The following PCLO variants were observed in gnomAD, a reference collection of about 807,000 sequenced individuals.
PCLO encodes the protein protein piccolo.
Under a neutral mutation model 427.5 loss-of-function variants are expected in PCLO, and 82 were observed. The ratio of observed to expected loss-of-function variants is 0.19; its 90% CI spans 0.16 to 0.23. The LOEUF is 0.23. Among genes scored for constraint, PCLO ranks in the 10% least tolerant of loss-of-function variants. The pLI, the probability that PCLO is intolerant of heterozygous loss-of-function variation, is 1.00. For missense variants in PCLO, 6,239 were observed against 6,115.9 expected (o/e 1.02, Z -0.67); for synonymous variants, 2,357 against 2,155.4 (o/e 1.09, Z -2.59).
chr7:82,939,327 C>T (rs578090116), intron 6 of PCLO, among the ~76,000 whole-genome samples: 1 of 152,028 alleles, frequency 6.6e-6, no homozygotes, highest in African/African-American at 2.4e-5. Flanking sequence ...TATCAAAAGC[C>T]ATGGTAAATG....
intron 10 of PCLO, among the ~76,000 whole-genome samples, chr7:82,873,294 A>G (rs750483867): frequency 1.3e-5 from 2 of 149,760 alleles, no homozygotes; most frequent in Non-Finnish European, 2.9e-5. Flanking sequence ...GAGACACTCC[A>G]TCCCCCATCC....
intron 3 of PCLO, among the ~76,000 whole-genome samples, chr7:83,025,327 T>C (rs1009310453): frequency 1.3e-5 from 2 of 151,198 alleles, no homozygotes; most frequent in Non-Finnish European, 3.0e-5. Context: ...CAGGAGCCGA[T>C]GCGATCAACT....
intron 9 of PCLO, among the ~76,000 whole-genome samples, chr7:82,895,572 T>C (rs1234054319): frequency 6.6e-6 from 1 of 151,826 alleles, no homozygotes; most frequent in Non-Finnish European, 1.5e-5. Context: ...TGACAAATCT[T>C]CAACTAGCTT....
At chr7:82,858,207 A>G (rs879690546) in intron 10 of PCLO, among the ~76,000 whole-genome samples, 3 of 152,134 alleles carry the variant, frequency 2.0e-5, no homozygotes, top group Admixed American at 6.6e-5. Context: ...AAAAATGAAG[A>G]ACAAAAAGCA....
At chr7:83,108,005 A>AAG (rs1790909288) in intron 3 of PCLO, among the ~76,000 whole-genome samples, 1 of 142,112 alleles carries the variant, frequency 7.0e-6, no homozygotes, top group Non-Finnish European at 1.5e-5. Flanking sequence ...AAAAAAAAAA[A>AAG]AAAAAAAGGA....
chr7:82,761,284 A>G (rs1405387730), intron 23 of PCLO, 75 bp downstream of exon 23: 2 of 823,866 alleles, frequency 2.4e-6, no homozygotes, highest in African/African-American at 3.5e-5. Context: ...AATTTTAGTT[A>G]ACATTTTCCA....
intron 22 of PCLO, among the ~76,000 whole-genome samples, chr7:82,764,301 AG>A (rs1790488954): frequency 6.6e-6 from 1 of 151,868 alleles, no homozygotes; most frequent in Non-Finnish European, 1.5e-5. Flanking sequence ...TATAAATAAA[AG>A]GAAAACCTTT....
At chr7:82,963,477 A>C (rs756577697) in intron 4 of PCLO, among the ~76,000 whole-genome samples, 1 of 152,104 alleles carries the variant, frequency 6.6e-6, no homozygotes, top group Non-Finnish European at 1.5e-5. Context: ...GTAGCAATAC[A>C]TAGTGAGAAC....
intron 22 of PCLO, among the ~76,000 whole-genome samples, chr7:82,772,712 A>G (rs1172527006): frequency 6.6e-6 from 1 of 151,484 alleles, no homozygotes; most frequent in Non-Finnish European, 1.5e-5. Context: ...GCAGAAGAAA[A>G]GTTTTTTCTG....
intron 3 of PCLO, among the ~76,000 whole-genome samples, chr7:82,972,577 T>C (rs1430904324): frequency 6.6e-6 from 1 of 152,058 alleles, no homozygotes; most frequent in Non-Finnish European, 1.5e-5. Context: ...TTCCAAACAC[T>C]ACCTTAAAAT....
intron 3 of PCLO, among the ~76,000 whole-genome samples, chr7:83,108,719 C>T (rs1790929014): frequency 6.6e-6 from 1 of 151,606 alleles, no homozygotes; most frequent in South Asian, 2.1e-4. Context: ...CATTTTTTTA[C>T]CTGGGTCAGG....
At chr7:83,081,124 T>A (rs926291304) in intron 3 of PCLO, among the ~76,000 whole-genome samples, 14 of 151,936 alleles carry the variant, frequency 9.2e-5, no homozygotes, top group African/African-American at 3.4e-4. Context: ...AAAGTGATAA[T>A]CTGACAAAGT....
chr7:82,786,440 T>G (rs996700437), intron 22 of PCLO, among the ~76,000 whole-genome samples: 4 of 152,212 alleles, frequency 2.6e-5, no homozygotes, highest in African/African-American at 9.6e-5. Context: ...AAATTATTCT[T>G]AATTAGTTAA....
At chr7:82,856,071 T>C (rs982422653) in intron 10 of PCLO, among the ~76,000 whole-genome samples, 3 of 152,064 alleles carry the variant, frequency 2.0e-5, no homozygotes, top group Admixed American at 1.3e-4. Flanking sequence ...AGCTTTGACA[T>C]TGCACTCTTA....
chr7:83,050,426 C>T (rs1583958168), intron 3 of PCLO, among the ~76,000 whole-genome samples: 1 of 151,674 alleles, frequency 6.6e-6, no homozygotes, highest in Non-Finnish European at 1.5e-5. Flanking sequence ...AAACACCACA[C>T]TCTACTTTTA....
chr7:83,104,257 A>G (rs1044469886), intron 3 of PCLO, among the ~76,000 whole-genome samples: 1 of 152,064 alleles, frequency 6.6e-6, no homozygotes, highest in African/African-American at 2.4e-5. Context: ...CACACAAGTA[A>G]ATTCAAAAGT....
chr7:83,070,094 A>G (rs1789773769), intron 3 of PCLO, among the ~76,000 whole-genome samples: 1 of 151,814 alleles, frequency 6.6e-6, no homozygotes, highest in South Asian at 2.1e-4. Context: ...TTGGGCTCAC[A>G]CTCTCTCATG....
rs935573762 is a variant in PCLO at position 82,816,198 on chromosome 7, G to A, written c.14791+6297C>T. 3.3e-5 allele frequency among the ~76,000 whole-genome samples: 5 copies of A among 152,152 alleles called. No homozygotes were observed. The East Asian group carries it at 9.6e-4, about 29-fold the overall frequency. ...GGTGAAATATTATGGTTTACATGAT[G>A]TATGTAATACATGTGGATGAAAAGT... On this transcript the variant is annotated intron_variant, in intron 20 of 24. Transcript: ENST00000333891.
At chr7:83,069,355 C>A (rs1463666627) in intron 3 of PCLO, among the ~76,000 whole-genome samples, 1 of 152,074 alleles carries the variant, frequency 6.6e-6, no homozygotes, top group Non-Finnish European at 1.5e-5. Context: ...TAAGTGAACC[C>A]ATGGGTTCAA....
Sources: gnomAD v4.1 joint callset for allele counts (sites outside exome capture counted in the v4.1 genomes callset) on GRCh38, gnomAD v4.1.1 for gene constraint, MANE v1.5 for transcripts, NCBI Gene and HGNC (gene_info 2026-07-23, HGNC 2026-07-21) for gene names.